LMO1: variants seen among roughly 807,000 people sequenced by gnomAD.
LMO1 encodes rhombotin-1.
Under a neutral mutation model 18.0 loss-of-function variants are expected in LMO1, and 10 were observed. The observed-to-expected ratio is 0.55, with a 90% confidence interval of 0.34 to 0.94. The LOEUF is 0.94. Among genes scored for constraint, LMO1 ranks in the 40% least tolerant of loss-of-function variants. The pLI is 0.02. For synonymous variants in LMO1, 77 were observed against 77.9 expected (o/e 0.99, Z 0.06); for missense variants, 183 against 205.7 (o/e 0.89, Z 0.68).
At chr11:8,252,880 T>C (rs1847025096) in intron 1 of LMO1, among the ~76,000 whole-genome samples, 1 of 152,258 alleles carries the variant, frequency 6.6e-6, no homozygotes, top group Non-Finnish European at 1.5e-5. Flanking sequence ...GTAGGTATTG[T>C]TTCTAGCTGC....
chr11:8,228,906 G>C (rs1357009958), intron 2 of LMO1, among the ~76,000 whole-genome samples: 1 of 152,044 alleles, frequency 6.6e-6, no homozygotes, highest in Non-Finnish European at 1.5e-5. Flanking sequence ...TTTCTTTTTT[G>C]AGACAGGGTC....
At chr11:8,238,997 T>A (rs1404280157) in intron 1 of LMO1, among the ~76,000 whole-genome samples, 3 of 152,196 alleles carry the variant, frequency 2.0e-5, no homozygotes, top group Non-Finnish European at 4.4e-5. Flanking sequence ...TACAGTGTTA[T>A]CTCAATGAAT....
At chr11:8,232,066 C>T (rs975928036) in intron 1 of LMO1, among the ~76,000 whole-genome samples, 1 of 152,170 alleles carries the variant, frequency 6.6e-6, no homozygotes, top group East Asian at 1.9e-4. Context: ...CTCCTGTGCT[C>T]GCTCTCAGCC....
intron 1 of LMO1, among the ~76,000 whole-genome samples, chr11:8,248,503 C>T (rs1400606632): frequency 1.3e-5 from 2 of 152,252 alleles, no homozygotes; most frequent in Non-Finnish European, 2.9e-5. Context: ...AGGGACAGCT[C>T]ATTGCAGAGG....
At chr11:8,251,909 TGGGTGTGTGGTG>T (rs954521815) in intron 1 of LMO1, among the ~76,000 whole-genome samples, 1 of 52,730 alleles carries the variant, frequency 1.9e-5, no homozygotes, top group Admixed American at 3.0e-4. Context: ...GAGTGTGTGG[TGGGTGTGTGGTG>T]GGTGTGTAAT....
chr11:8,251,434 C>T (rs1219903557), intron 1 of LMO1, among the ~76,000 whole-genome samples: 2 of 152,222 alleles, frequency 1.3e-5, no homozygotes, highest in Non-Finnish European at 2.9e-5. Flanking sequence ...CCTCCACCGC[C>T]CCGTAACAGC....
At chr11:8,268,562 C>T (rs1847284931), upstream of LMO1, 1 of 869,696 alleles carries the variant, frequency 1.1e-6, no homozygotes, top group Non-Finnish European at 1.5e-6. Flanking sequence ...GCGCCGAGTC[C>T]GGAGAGCCGC....
At chr11:8,263,309 G>A (rs372941788) in intron 1 of LMO1, 29 bp downstream of exon 1, 17 of 1,593,404 alleles carry the variant, frequency 1.1e-5, no homozygotes, top group Non-Finnish European at 1.4e-5. Context: ...AGGGGGTGAG[G>A]GGCGTCGAGA....
intron 1 of LMO1, among the ~76,000 whole-genome samples, chr11:8,240,130 G>C (rs2134548209): frequency 6.7e-6 from 1 of 149,868 alleles, no homozygotes; most frequent in East Asian, 2.0e-4. Context: ...GACCCAATCT[G>C]GACCCTACCA....
At chr11:8,265,618 C>A (rs930145372), upstream of LMO1, among the ~76,000 whole-genome samples, 1 of 152,170 alleles carries the variant, frequency 6.6e-6, no homozygotes, top group Non-Finnish European at 1.5e-5. Flanking sequence ...CTCAGGACTG[C>A]GAGCTTGATC....
At position 8,263,462 on chromosome 11, in the gene LMO1, G is replaced by C; in HGVS notation, c.-100C>G. 2.6e-6 allele frequency: 4 copies of C among 1,550,472 alleles called. No individual in the cohort carries two copies. The highest frequency in any genetic ancestry group is 2.6e-6 in the Non-Finnish European group (3 of 1,156,592). Reference sequence around the variant, plus strand: ...GGCGGCCGGTCTTCGGGCAGCTAGCGGGCTCTAATTACCCGCTTGTCCGGC... The same window carrying C: ...GGCGGCCGGTCTTCGGGCAGCTAGCCGGCTCTAATTACCCGCTTGTCCGGC... On this transcript the variant is annotated 5_prime_UTR_variant, in exon 1 of 4. Coordinates refer to ENST00000335790, the MANE Select transcript of LMO1 (RefSeq NM_002315.3).
intron 1 of LMO1, among the ~76,000 whole-genome samples, chr11:8,235,511 T>C (rs1300228348): frequency 6.6e-6 from 1 of 152,234 alleles, no homozygotes; most frequent in African/African-American, 2.4e-5. Context: ...AACATTATTA[T>C]CTAATCTATA....
intron 1 of LMO1, among the ~76,000 whole-genome samples, chr11:8,252,024 G>A (rs1847010635): frequency 6.6e-6 from 1 of 152,036 alleles, no homozygotes; most frequent in East Asian, 1.9e-4. Context: ...GTGAGTGTGT[G>A]TGTGAGCATG....
In LMO1 at chr11:8,224,573, G is replaced by T; in HGVS notation, c.*43C>A. On this transcript the variant is annotated 3_prime_UTR_variant, in exon 4 of 4. Transcript: ENST00000335790. Reference sequence around the variant, plus strand: ...GCTGGCCGGCCAGGCAGGTGGGCAGGCGGGCAGATGGACAGACGGGCCTGG... The same window carrying T: ...GCTGGCCGGCCAGGCAGGTGGGCAGTCGGGCAGATGGACAGACGGGCCTGG... 2 of 1,285,860 alleles carry T rather than the reference G, an allele frequency of 1.6e-6. No homozygotes were observed. Among genetic ancestry groups the T allele is most frequent in the Non-Finnish European group, 2.2e-6 (2 of 907,894 alleles). The allele number at this position is 1,285,860 out of a possible 1,614,324, so 79.7% of individuals were successfully genotyped here.
chr11:8,240,928 G>C (rs904117266), intron 1 of LMO1, among the ~76,000 whole-genome samples: 3 of 152,140 alleles, frequency 2.0e-5, no homozygotes, highest in Non-Finnish European at 2.9e-5. Flanking sequence ...TCTTTAGTGG[G>C]GGGAATTTAG....
At chr11:8,232,741 A>G (rs1952690119) in intron 1 of LMO1, among the ~76,000 whole-genome samples, 1 of 152,196 alleles carries the variant, frequency 6.6e-6, no homozygotes, top group South Asian at 2.1e-4. Context: ...CTATTACCAG[A>G]ACATGGGTGA....
At chr11:8,244,834 T>C (rs1846867537) in intron 1 of LMO1, among the ~76,000 whole-genome samples, 1 of 152,140 alleles carries the variant, frequency 6.6e-6, no homozygotes, top group African/African-American at 2.4e-5. Flanking sequence ...CAGTAAACAC[T>C]GGGCCTTCCC....
At chr11:8,251,753 GGTAT>G (rs1846997703) in intron 1 of LMO1, among the ~76,000 whole-genome samples, 1 of 151,046 alleles carries the variant, frequency 6.6e-6, no homozygotes. Context: ...ATAGGGGTGT[GGTAT>G]GTGTGTGTGG....
At chr11:8,233,734 T>A (rs1420725763) in intron 1 of LMO1, among the ~76,000 whole-genome samples, 1 of 50,190 alleles carries the variant, frequency 2.0e-5, no homozygotes, top group East Asian at 4.7e-4. Flanking sequence ...CCTGCCCCCC[T>A]GCAGACACCT....
Sources: allele counts gnomAD v4.1 joint callset (sites outside exome capture counted in the v4.1 genomes callset), GRCh38; gene constraint gnomAD v4.1.1; transcripts MANE v1.5; gene names NCBI Gene and HGNC (gene_info 2026-07-23, HGNC 2026-07-21).